SCYL3: variants seen among roughly 807,000 people sequenced by gnomAD.
SCYL3 encodes the protein protein-associating with the carboxyl-terminal domain of ezrin.
A neutral mutation model predicts 73.8 loss-of-function variants in SCYL3; 35 were observed. That is an observed-to-expected ratio of 0.47 (90% CI 0.36 to 0.63). The LOEUF (loss-of-function observed/expected upper bound fraction) is 0.63. Ranked by LOEUF, SCYL3 falls within the 20% of genes least tolerant of loss-of-function variation. SCYL3 has a pLI of 0.00. For synonymous variants in SCYL3, 277 were observed against 295.2 expected (o/e 0.94, Z 0.63); for missense variants, 712 against 798.9 (o/e 0.89, Z 1.31).
At chr1:169,887,919 C>T (rs1661797116) in intron 2 of SCYL3, among the ~76,000 whole-genome samples, 1 of 152,156 alleles carries the variant, frequency 6.6e-6, no homozygotes, top group Admixed American at 6.5e-5. Context: ...AACTAAGGGA[C>T]TCAAGGTAAT....
At chr1:169,874,694 G>A (rs1027657837) in intron 4 of SCYL3, among the ~76,000 whole-genome samples, 8 of 152,206 alleles carry the variant, frequency 5.3e-5, no homozygotes, top group Non-Finnish European at 2.9e-5. Flanking sequence ...GGGAGGCTAA[G>A]GTGGGCAGAT....
intron 2 of SCYL3, among the ~76,000 whole-genome samples, chr1:169,887,260 G>A (rs895776791): frequency 3.3e-5 from 5 of 152,070 alleles, no homozygotes; most frequent in East Asian, 3.8e-4. Context: ...GAATATTAAG[G>A]GGGAATAAGT....
At chr1:169,881,294 CTTAAA>C (rs1435815021) in intron 2 of SCYL3, among the ~76,000 whole-genome samples, 1 of 151,928 alleles carries the variant, frequency 6.6e-6, no homozygotes, top group Non-Finnish European at 1.5e-5. Flanking sequence ...TTTTAATTTT[CTTAAA>C]TTAAAAAAAT....
rs540873660 is a variant in SCYL3 at position 169,854,352 on chromosome 1, C to T, written c.1925G>A (p.Arg642Lys). 2 of 1,613,906 alleles carry T rather than the reference C, an allele frequency of 1.2e-6. No homozygotes were observed. Among genetic ancestry groups the T allele is most frequent in the African/African-American group, 2.7e-5 (2 of 75,002 alleles). ...ATCCTTTTTTGGGACCATTTCTGTC[C>T]TCAGTTCAGGTAATATAAGAAAAGC... Reference protein sequence around the residue: ...SAAFLILPELRTEMVPKKDDV... With the variant: ...SAAFLILPELKTEMVPKKDDV... The change falls in exon 12 of 13, where the codon AGG (arginine) becomes AAG (lysine). Residue 642 changes from arginine (R) to lysine (K), a missense_variant. By Grantham distance (26) the Arg-to-Lys change is conservative (BLOSUM62 2). Coordinates refer to ENST00000367771, the MANE Select transcript of SCYL3 (RefSeq NM_020423.7).
chr1:169,887,538 T>C (rs1299803823), intron 2 of SCYL3, among the ~76,000 whole-genome samples: 4 of 152,206 alleles, frequency 2.6e-5, no homozygotes, highest in Non-Finnish European at 1.5e-5. Flanking sequence ...AGACATTAAC[T>C]GTAAGAACAA....
At chr1:169,854,036 T>C (rs1658825728) in intron 12 of SCYL3, 1 of 565,670 alleles carries the variant, frequency 1.8e-6, no homozygotes, top group South Asian at 2.7e-5. Context: ...TAATCCCTTT[T>C]TTTTCTTTTT....
At chr1:169,867,854 TAATAA>T (rs1660141557) in intron 7 of SCYL3, among the ~76,000 whole-genome samples, 1 of 152,170 alleles carries the variant, frequency 6.6e-6, no homozygotes, top group Admixed American at 6.5e-5. Context: ...ATACAACTCT[TAATAA>T]ATAACTCATT....
chr1:169,862,650 A>C lies in SCYL3; in HGVS notation c.1103T>G (p.Phe368Cys). ...LSHIEAYVEH[F>C]TQEQLKKVIL... is the part of the protein sequence containing the mutation. Reference sequence around the variant, plus strand: ...GACTTTCTTCAGCTGCTCCTGAGTGAAGTGCTCCACGTAGGCCTCGATGTG... The same window carrying C: ...GACTTTCTTCAGCTGCTCCTGAGTGCAGTGCTCCACGTAGGCCTCGATGTG... The change falls in exon 10 of 13, where the codon TTC becomes TGC. Residue 368 changes from phenylalanine to cysteine, a missense_variant. Physicochemically the swap from Phe to Cys is radical, Grantham distance 205. Around this residue, in one of 2 missense-constraint regions of SCYL3, gnomAD observed 342 missense variants for 448.1 expected, o/e 0.76. Transcript: ENST00000367771. 1 of 1,614,134 alleles carries C rather than the reference A, an allele frequency of 6.2e-7. No homozygotes were observed. Among genetic ancestry groups the C allele is most frequent in the South Asian group, 1.1e-5 (1 of 91,084 alleles).
At chr1:169,863,372 G>A (rs1659805595) in intron 9 of SCYL3, among the ~76,000 whole-genome samples, 1 of 152,110 alleles carries the variant, frequency 6.6e-6, no homozygotes, top group Admixed American at 6.5e-5. Flanking sequence ...AGAATTCTGA[G>A]TAACTTTTTA....
Position 169,852,161 on chromosome 1 carries a change from A to AC in SCYL3, c.*1551dup. On this transcript the variant is annotated 3_prime_UTR_variant, in exon 13 of 13. Coordinates refer to ENST00000367771, the MANE Select transcript of SCYL3 (RefSeq NM_020423.7). ...CAGTATGTTTGAATTATTGGTAGTA[A>AC]CCTTTAAGGGAAGTTACATATTGTA... 1.7e-6 allele frequency: 1 copy of AC among 595,444 alleles called. No individual in the cohort carries two copies. 36.9% of individuals were successfully genotyped at this position (595,444 alleles called of 1,614,324 possible).
intron 8 of SCYL3, 68 bp downstream of exon 8, chr1:169,866,828 A>T: frequency 2.3e-6 from 2 of 869,526 alleles, no homozygotes; most frequent in Non-Finnish European, 3.7e-6. Flanking sequence ...CTTCTCTAGA[A>T]TACCTAAAGT....
chr1:169,880,659 T>G (rs956872886), intron 2 of SCYL3, among the ~76,000 whole-genome samples: 2 of 151,210 alleles, frequency 1.3e-5, no homozygotes, highest in South Asian at 2.1e-4. Flanking sequence ...GCTCATGAAG[T>G]TCTTCAAATG....
chr1:169,871,359 A>T (rs971576859), intron 5 of SCYL3, among the ~76,000 whole-genome samples: 1 of 152,028 alleles, frequency 6.6e-6, no homozygotes, highest in African/African-American at 2.4e-5. Flanking sequence ...AAAAAAGGGG[A>T]GTTTCCCTGC....
chr1:169,851,045 C>CTTTTTT lies in SCYL3; in HGVS notation c.*2662_*2667dup, dbSNP rs58984684. ...CCCAAGCCAGGGTAAGCTCAGGGCC[C>CTTTTTT]TTTTTTTTTTTTTTTTTTTTTTTTT... On this transcript the variant is annotated 3_prime_UTR_variant, in exon 13 of 13. Transcript: ENST00000367771. 8.1e-4 allele frequency: 14 copies of CTTTTTT among 17,304 alleles called. 2 individuals carry two copies. The highest frequency in any genetic ancestry group is 0.11 in the Middle Eastern group (2 of 18). 1.1% of individuals were successfully genotyped at this position (17,304 alleles called of 1,614,324 possible).
Position 169,855,685 on chromosome 1 carries a change from A to ATAAT in SCYL3, c.1313-725_1313-722dup, listed in dbSNP as rs1241922368. 27 of 986,050 alleles carry ATAAT rather than the reference A, an allele frequency of 2.7e-5. No homozygotes were observed. The Middle Eastern group carries it at 9.2e-4, about 34-fold the overall frequency. The allele number at this position is 986,050 out of a possible 1,614,324, so 61.1% of individuals were successfully genotyped here. On this transcript the variant is annotated intron_variant, in intron 11 of 12. Transcript: ENST00000367771. ...ACAAGATGAGACCAAAGCTGACTAC[A>ATAAT]TAATTACAAATAAATCAGTCTCAAA...
At position 169,849,740 on chromosome 1, in the gene SCYL3, T is replaced by C; in HGVS notation, c.*3973A>G. The C allele has an allele frequency of 1.6e-6, 1 of 644,030 alleles. No homozygotes were observed. Among genetic ancestry groups the C allele is most frequent in the Non-Finnish European group, 2.7e-6 (1 of 373,212 alleles). 39.9% of individuals were successfully genotyped at this position (644,030 alleles called of 1,614,324 possible). On this transcript the variant is annotated 3_prime_UTR_variant, in exon 13 of 13. Transcript: ENST00000367771. ...AATTGTCTGAAGGGTACATTACTCG[T>C]TATCTCTTTTACAGCTTCTCAAAAT...
In SCYL3 at chr1:169,876,958, TAAAAAAAAAAAA is replaced by T. The variant is rs61051062; in HGVS notation, c.352-879_352-868del. ...CGACAGAGTGAGACCTTGTCTCAAATAAAAAAAAAAAAAAAAAAAAAAAAAAAAAAGAAATAT... is the reference window on the plus strand; with the variant it reads ...CGACAGAGTGAGACCTTGTCTCAAATAAAAAAAAAAAAAAAAAAGAAATAT... On this transcript the variant is annotated intron_variant, in intron 3 of 12. Transcript: ENST00000367771. 8.0e-4 allele frequency among the ~76,000 whole-genome samples: 61 copies of T among 76,432 alleles called. No individual in the cohort carries two copies. The East Asian group carries it at 9.9e-3, about 12-fold the overall frequency. The allele number at this position is 76,432 out of a possible 152,430, so 50.1% of individuals were successfully genotyped here.
At chr1:169,886,877 G>C (rs1472946015) in intron 2 of SCYL3, among the ~76,000 whole-genome samples, 2 of 152,146 alleles carry the variant, frequency 1.3e-5, no homozygotes, top group Non-Finnish European at 2.9e-5. Context: ...AGTGAAGAAA[G>C]TGTATATTGT....
intron 1 of SCYL3, 137 bp from the exon 2 acceptor site, chr1:169,889,027 A>G: frequency 2.2e-6 from 1 of 460,712 alleles, no homozygotes; most frequent in Admixed American, 4.1e-5. Flanking sequence ...AAAAATGGTA[A>G]ACGCTCTGCA....
Sources: allele counts gnomAD v4.1 joint callset (sites outside exome capture counted in the v4.1 genomes callset), GRCh38; gene constraint gnomAD v4.1.1; regional missense constraint gnomAD v4.1.1; transcripts MANE v1.5; gene names NCBI Gene and HGNC (gene_info 2026-07-23, HGNC 2026-07-21).